The following ZNF75A variants were observed in gnomAD, a reference collection of about 807,000 sequenced individuals.
ZNF75A encodes the protein zinc finger protein 75A.
ZNF75A carries 36 observed loss-of-function variants against 46.3 expected under a neutral mutation model. That is an observed-to-expected ratio of 0.78 (90% CI 0.60 to 1.03). The LOEUF is 1.03. ZNF75A is among the 50% of genes least tolerant of loss of function. The pLI, the probability that ZNF75A is intolerant of heterozygous loss-of-function variation, is 0.00. For missense variants in ZNF75A, 595 were observed against 551.3 expected, an observed-to-expected ratio of 1.08 and a Z score of -0.79; for synonymous variants, 234 against 189.9, an observed-to-expected ratio of 1.23 and a Z score of -1.91.
At chr16:3,315,890 G>T (rs899236394) in intron 5 of ZNF75A, 5 of 152,232 alleles carry the variant, frequency 3.3e-5, no homozygotes, top group Non-Finnish European at 2.9e-5. Context: ...CATGTGTCCT[G>T]CTACTGGTGC....
chr16:3,305,931 GGCAGCAGTGCCT>G (rs1215648731), intron 1 of ZNF75A: 2 of 152,254 alleles, frequency 1.3e-5, no homozygotes, highest in African/African-American at 4.8e-5. Context: ...AGTGCTGGCG[GGCAGCAGTGCCT>G]GCAGCTGCGC....
chr16:3,314,636 A>G (rs1961063374), intron 5 of ZNF75A: 7 of 982,650 alleles, frequency 7.1e-6, no homozygotes, highest in Non-Finnish European at 8.5e-6. Flanking sequence ...TTTTTTTCTT[A>G]AATCGTATTC....
chr16:3,308,782 G>T lies in ZNF75A; in HGVS notation c.354G>T (p.Glu118Asp). ...AGCACCATCCACAGAGCATTGAGGAGGCTGTGGCTCTGGTAGAACACTTGC... is the reference window on the plus strand; with the variant it reads ...AGCACCATCCACAGAGCATTGAGGATGCTGTGGCTCTGGTAGAACACTTGC... ...MQKHHPQSIE[E>D]AVALVEHLQR... is the part of the protein sequence containing the mutation. The change falls in exon 2 of 7, where the codon GAG becomes GAT. Residue 118 changes from glutamate (E) to aspartate (D), a missense_variant. Coordinates refer to ENST00000669516, the MANE Select transcript of ZNF75A (RefSeq NM_001302109.2). 1 of 986,538 alleles carries T rather than the reference G, an allele frequency of 1.0e-6. No individual in the cohort carries two copies. Among genetic ancestry groups the T allele is most frequent in the Non-Finnish European group, 1.2e-6 (1 of 830,158 alleles). The allele number at this position is 986,538 out of a possible 1,614,324, so 61.1% of individuals were successfully genotyped here.
chr16:3,319,797 AT>A (rs550277242), downstream of ZNF75A, among the ~76,000 whole-genome samples: 8 of 133,348 alleles, frequency 6.0e-5, no homozygotes, highest in East Asian at 4.1e-4. Flanking sequence ...TTTTTTTTTT[AT>A]TTTTTTTTTT....
At chr16:3,319,865 C>A (rs1471287597), downstream of ZNF75A, among the ~76,000 whole-genome samples, 4 of 151,174 alleles carry the variant, frequency 2.6e-5, no homozygotes, top group Non-Finnish European at 5.9e-5. Context: ...CATGGAACCA[C>A]ATACAGAGAG....
At chr16:3,307,719 C>A (rs1045116652) in intron 1 of ZNF75A, 1 of 148,482 alleles carries the variant, frequency 6.7e-6, no homozygotes, top group African/African-American at 2.6e-5. Context: ...TTTGTAGAGA[C>A]GGGGTCTCGC....
chr16:3,308,723 A>C lies in ZNF75A; in HGVS notation c.295A>C (p.Ile99Leu), dbSNP rs1053163790. Reference sequence around the variant, plus strand: ...GCTGGTGCTGGAGCAGTTCCTGACTATTCTGCCCAGGGAGACACAGACCCA... The same window carrying C: ...GCTGGTGCTGGAGCAGTTCCTGACTCTTCTGCCCAGGGAGACACAGACCCA... Reference protein sequence around the residue: ...ELLVLEQFLTILPRETQTQMQ... With the variant: ...ELLVLEQFLTLLPRETQTQMQ... Residue 99 changes from isoleucine to leucine, a missense_variant, in exon 2 of 7, where the codon ATT becomes CTT. Ile to Leu is a conservative substitution (Grantham distance 5). Transcript: ENST00000669516. 4.5e-5 allele frequency: 45 copies of C among 992,512 alleles called. 1 individual carries two copies. The highest frequency in any genetic ancestry group is 2.4e-4 in the Admixed American group (4 of 16,602). 61.5% of individuals were successfully genotyped at this position (992,512 alleles called of 1,614,324 possible). A position where few individuals can be genotyped will look rare whatever the true frequency, so the allele number is the denominator to read the frequency against.
intron 5 of ZNF75A, chr16:3,315,219 C>G (rs1384425770): frequency 1.3e-5 from 5 of 386,102 alleles, no homozygotes; most frequent in African/African-American, 2.4e-5. Context: ...TGAGATGGAG[C>G]CTCGCTCTGT....
In ZNF75A at chr16:3,317,522, A is replaced by C. The variant is rs1216457282; in HGVS notation, c.1267A>C (p.Ile423Leu). 1 of 1,614,046 alleles carries C rather than the reference A, an allele frequency of 6.2e-7. No homozygotes were observed. Among genetic ancestry groups the C allele is most frequent in the African/African-American group, 1.3e-5 (1 of 75,062 alleles). ...VSSDLIKHQRIHTEEKPYKCQ... is the reference protein window; with the variant it reads ...VSSDLIKHQRLHTEEKPYKCQ... ...CTCTGACCTTATTAAGCACCAAAGAATTCACACTGAAGAGAAACCCTATAA... is the reference window on the plus strand; with the variant it reads ...CTCTGACCTTATTAAGCACCAAAGACTTCACACTGAAGAGAAACCCTATAA... Residue 423 changes from isoleucine (I) to leucine (L), a missense_variant, in exon 7 of 7, where the codon ATT becomes CTT. By Grantham distance (5) the Ile-to-Leu change is conservative (BLOSUM62 2). Coordinates refer to ENST00000669516, the MANE Select transcript of ZNF75A (RefSeq NM_001302109.2).
At chr16:3,315,284 C>A (rs562051758) in intron 5 of ZNF75A, 7 of 173,858 alleles carry the variant, frequency 4.0e-5, no homozygotes, top group African/African-American at 1.7e-4. Flanking sequence ...CTCTGCCTCC[C>A]GGGTTCATGC....
rs1961313698 is a variant in ZNF75A at position 3,317,553 on chromosome 16, A to G, written c.1298A>G (p.Gln433Arg). Residue 433 changes from glutamine to arginine, a missense_variant, in exon 7 of 7, where the codon CAA becomes CGA. By Grantham distance (43) the Gln-to-Arg change is conservative. Transcript: ENST00000669516. ...IHTEEKPYKCQQCDKRFRWSS... is the reference protein window; with the variant it reads ...IHTEEKPYKCRQCDKRFRWSS... ...ACTGAAGAGAAACCCTATAAATGTCAACAGTGTGATAAGAGGTTTAGATGG... is the reference window on the plus strand; with the variant it reads ...ACTGAAGAGAAACCCTATAAATGTCGACAGTGTGATAAGAGGTTTAGATGG... 1.2e-6 allele frequency: 2 copies of G among 1,614,008 alleles called. No homozygotes were observed. Among genetic ancestry groups the G allele is most frequent in the Non-Finnish European group, 1.7e-6 (2 of 1,179,978 alleles).
At chr16:3,323,322 A>G, downstream of ZNF75A, 1 of 1,087,308 alleles carries the variant, frequency 9.2e-7, no homozygotes, top group South Asian at 1.2e-5. Context: ...GAACCATGAG[A>G]TCTCCTGGAA....
chr16:3,318,136 C>T lies in ZNF75A; in HGVS notation c.*267C>T. ...ATAGAAACATTGGCAGCATGGTCTT[C>T]CAAAACAAAAAGCAGTAACATGCAT... On this transcript the variant is annotated 3_prime_UTR_variant, in exon 7 of 7. Transcript: ENST00000669516. 5.0e-6 allele frequency: 6 copies of T among 1,196,158 alleles called. No homozygotes were observed. The highest frequency in any genetic ancestry group is 1.6e-5 in the African/African-American group (1 of 63,544). The allele number at this position is 1,196,158 out of a possible 1,614,324, so 74.1% of individuals were successfully genotyped here.
intron 6 of ZNF75A, 62 bp downstream of exon 6, chr16:3,317,084 A>T (rs1052326150): frequency 2.3e-5 from 36 of 1,541,354 alleles, no homozygotes; most frequent in Non-Finnish European, 3.0e-5. Flanking sequence ...AGGGCTTAAC[A>T]TTTTAAGATT....
downstream of ZNF75A, among the ~76,000 whole-genome samples, chr16:3,320,298 C>T (rs1203569686): frequency 6.6e-6 from 1 of 152,368 alleles, no homozygotes; most frequent in East Asian, 1.9e-4. Context: ...CCCGCCTCGG[C>T]CTCCCAAAGT....
At position 3,318,647 on chromosome 16, in the gene ZNF75A, A is replaced by G; in HGVS notation, c.*778A>G. On this transcript the variant is annotated 3_prime_UTR_variant, in exon 7 of 7. Coordinates refer to ENST00000669516, the MANE Select transcript of ZNF75A (RefSeq NM_001302109.2). ...GTACTTGCCCAAGGCCTGAAAGAGAATTAGTGGGAATTAAGATCAACTTCT... is the reference window on the plus strand; with the variant it reads ...GTACTTGCCCAAGGCCTGAAAGAGAGTTAGTGGGAATTAAGATCAACTTCT... The G allele has an allele frequency of 1.0e-6, 1 of 985,452 alleles. No homozygotes were observed. Among genetic ancestry groups the G allele is most frequent in the Non-Finnish European group, 1.2e-6 (1 of 829,932 alleles). 61.0% of individuals were successfully genotyped at this position (985,452 alleles called of 1,614,324 possible).
Position 3,318,225 on chromosome 16 carries a change from C to T in ZNF75A, c.*356C>T, listed in dbSNP as rs1009661161. On this transcript the variant is annotated 3_prime_UTR_variant, in exon 7 of 7. Transcript: ENST00000669516. ...ACCAATTTCCATAGTCTCATGAGGC[C>T]GAAATGAATTACAATGTAAAGTGTT... 26 of 1,008,732 alleles carry T rather than the reference C, an allele frequency of 2.6e-5. No homozygotes were observed. The highest frequency in any genetic ancestry group is 1.7e-4 in the Admixed American group (3 of 17,496). The allele number at this position is 1,008,732 out of a possible 1,614,324, so 62.5% of individuals were successfully genotyped here.
chr16:3,316,064 G>GA (rs1271222982), intron 5 of ZNF75A: 6 of 152,176 alleles, frequency 3.9e-5, no homozygotes, highest in African/African-American at 1.4e-4. Flanking sequence ...TGTCCCACAA[G>GA]ACCTTATCTA....
chr16:3,320,290 C>T (rs571865713), downstream of ZNF75A, among the ~76,000 whole-genome samples: 42 of 152,312 alleles, frequency 2.8e-4, no homozygotes, highest in Middle Eastern at 6.8e-3. Flanking sequence ...GTGATCCACC[C>T]GCCTCGGCCT....
Sources: allele counts gnomAD v4.1 joint callset (sites outside exome capture counted in the v4.1 genomes callset), GRCh38; gene constraint gnomAD v4.1.1; transcripts MANE v1.5; gene names NCBI Gene and HGNC (gene_info 2026-07-23, HGNC 2026-07-21).